PDE4D: variants seen among roughly 807,000 people sequenced by gnomAD.
PDE4D encodes the protein 3',5'-cyclic-AMP phosphodiesterase 4D.
A neutral mutation model predicts 87.4 loss-of-function variants in PDE4D; 24 were observed. The observed-to-expected ratio is 0.27, with a 90% CI of 0.20 to 0.39. PDE4D has a LOEUF of 0.39. Ranked by LOEUF, PDE4D falls within the 10% of genes least tolerant of loss-of-function variation. The pLI is 1.00. For synonymous variants in PDE4D, 384 were observed against 383.2 expected (o/e 1.00, Z -0.02); for missense variants, 714 against 1,041.0 (o/e 0.69, Z 4.32).
At chr5:59,227,455 C>T (rs1754051141) in intron 1 of PDE4D, among the ~76,000 whole-genome samples, 1 of 151,952 alleles carries the variant, frequency 6.6e-6, no homozygotes, top group Non-Finnish European at 1.5e-5. Context: ...AGAGAGTAAA[C>T]AGATAACCTA....
intron 2 of PDE4D, among the ~76,000 whole-genome samples, chr5:60,041,562 G>T (rs1405947235): frequency 6.6e-6 from 1 of 152,224 alleles, no homozygotes; most frequent in Non-Finnish European, 1.5e-5. Flanking sequence ...CGAGACCAAT[G>T]CAGAAGGCAG....
At chr5:59,591,751 T>C (rs1247914063) in intron 1 of PDE4D, among the ~76,000 whole-genome samples, 4 of 152,152 alleles carry the variant, frequency 2.6e-5, no homozygotes, top group Non-Finnish European at 4.4e-5. Context: ...ATTCTACATA[T>C]TGGGTTCATA....
Position 59,235,138 on chromosome 5 carries a change from AC to A in PDE4D, c.456-19171del, listed in dbSNP as rs535076161. Among the ~76,000 whole-genome samples, 149 of 152,312 alleles carry A rather than the reference AC, an allele frequency of 9.8e-4. 1 individual carries two copies. The highest frequency in any genetic ancestry group is 3.5e-3 in the African/African-American group (145 of 41,576). On this transcript the variant is annotated intron_variant, in intron 1 of 14. Transcript: ENST00000340635. ...TTGCAATGTAATTATGAGTTTCCAT[AC>A]CACATATGCCACTAATCCCACGAAA... is the stretch of plus-strand genomic sequence containing the variant.
intron 11 of PDE4D, among the ~76,000 whole-genome samples, chr5:58,980,349 T>C (rs1203175033): frequency 6.6e-6 from 1 of 152,158 alleles, no homozygotes; most frequent in Non-Finnish European, 1.5e-5. Context: ...AGGCAGTTTC[T>C]AGAGCCCTCA....
At chr5:59,359,565 G>A (rs1781886993) in intron 1 of PDE4D, among the ~76,000 whole-genome samples, 1 of 151,892 alleles carries the variant, frequency 6.6e-6, no homozygotes, top group African/African-American at 2.4e-5. Flanking sequence ...TGAAGAACTG[G>A]CTAATATTTC....
chr5:59,879,995 TC>T (rs764849666), intron 1 of PDE4D, among the ~76,000 whole-genome samples: 9 of 152,188 alleles, frequency 5.9e-5, no homozygotes, highest in Non-Finnish European at 1.0e-4. Context: ...AGCTTTGGCC[TC>T]CCAAAGTGCT....
At chr5:60,245,900 T>C (rs1389323602) in intron 1 of PDE4D, among the ~76,000 whole-genome samples, 1 of 151,862 alleles carries the variant, frequency 6.6e-6, no homozygotes, top group Non-Finnish European at 1.5e-5. Context: ...AATAATTCAA[T>C]TGTACAGTTT....
chr5:60,180,727 T>A (rs1335479231), intron 2 of PDE4D, among the ~76,000 whole-genome samples: 2 of 151,888 alleles, frequency 1.3e-5, no homozygotes, highest in African/African-American at 4.8e-5. Context: ...ACCAAAGGAG[T>A]GAAATCTCTA....
At chr5:59,311,607 G>A (rs910289125) in intron 1 of PDE4D, among the ~76,000 whole-genome samples, 3 of 151,264 alleles carry the variant, frequency 2.0e-5, no homozygotes, top group Admixed American at 6.6e-5. Flanking sequence ...GATAGATAAC[G>A]GTGTCTCCAT....
intron 1 of PDE4D, among the ~76,000 whole-genome samples, chr5:60,508,968 C>T (rs542527904): frequency 5.3e-5 from 8 of 151,842 alleles, no homozygotes; most frequent in Admixed American, 3.9e-4. Flanking sequence ...GGCATGATCT[C>T]GGTTCACTGC....
chr5:59,092,498 C>A (rs923759944), intron 5 of PDE4D, among the ~76,000 whole-genome samples: 2 of 152,032 alleles, frequency 1.3e-5, no homozygotes, highest in African/African-American at 4.8e-5. Context: ...ATAAATAGGT[C>A]AATTAATACT....
At chr5:59,278,932 G>C (rs986207546) in intron 1 of PDE4D, among the ~76,000 whole-genome samples, 8 of 152,148 alleles carry the variant, frequency 5.3e-5, no homozygotes, top group African/African-American at 1.9e-4. Context: ...AATGGTGAGC[G>C]TGACTTGTGA....
chr5:59,298,846 A>C (rs1769627141), intron 1 of PDE4D, among the ~76,000 whole-genome samples: 1 of 152,168 alleles, frequency 6.6e-6, no homozygotes, highest in East Asian at 1.9e-4. Context: ...TTTCAAGTAA[A>C]CATGTAACTG....
chr5:59,769,076 C>CTT (rs34305501), intron 1 of PDE4D, among the ~76,000 whole-genome samples: 24,768 of 149,126 alleles, frequency 0.17, 2,375 homozygotes, highest in Middle Eastern at 0.32. Flanking sequence ...TTTTTTCTCT[C>CTT]TTTTTTTTTT....
chr5:60,039,688 T>A (rs1316442833), intron 2 of PDE4D, among the ~76,000 whole-genome samples: 1 of 151,890 alleles, frequency 6.6e-6, no homozygotes, highest in Non-Finnish European at 1.5e-5. Flanking sequence ...TATAATCCCA[T>A]GTCTTTAGTT....
intron 5 of PDE4D, among the ~76,000 whole-genome samples, chr5:59,138,095 A>C (rs762367179): frequency 5.9e-5 from 9 of 152,166 alleles, no homozygotes; most frequent in Non-Finnish European, 1.2e-4. Context: ...AAAGCTAAAC[A>C]CTGGGGATAC....
intron 1 of PDE4D, among the ~76,000 whole-genome samples, chr5:59,366,481 G>T (rs1783078283): frequency 6.6e-6 from 1 of 152,038 alleles, no homozygotes; most frequent in African/African-American, 2.4e-5. Context: ...TTTTATTCCA[G>T]GTTAGTCCTA....
chr5:59,196,739 CAAAA>C, intron 2 of PDE4D, among the ~76,000 whole-genome samples: 1 of 151,988 alleles, frequency 6.6e-6, no homozygotes, highest in African/African-American at 2.4e-5. Context: ...AGTCCGAAGA[CAAAA>C]AACATTTTCA....
chr5:60,039,881 G>C (rs1458500693), intron 2 of PDE4D, among the ~76,000 whole-genome samples: 1 of 152,162 alleles, frequency 6.6e-6, no homozygotes, highest in African/African-American at 2.4e-5. Context: ...AACAGAGCCA[G>C]TTACAGCACA....
Sources: allele counts gnomAD v4.1 joint callset (sites outside exome capture counted in the v4.1 genomes callset), GRCh38; gene constraint gnomAD v4.1.1; transcripts MANE v1.5; gene names NCBI Gene and HGNC (gene_info 2026-07-23, HGNC 2026-07-21).